The following PITPNB variants were observed in gnomAD, a reference collection of about 807,000 sequenced individuals.
The protein encoded by PITPNB is phosphatidylinositol transfer protein beta isoform.
In PITPNB, 16 loss-of-function variants were observed where a neutral mutation model predicts 45.9. The observed-to-expected ratio is 0.35, with a 90% CI of 0.24 to 0.53. The LOEUF (loss-of-function observed/expected upper bound fraction) is 0.53, where lower values mean the gene tolerates loss of function less well. Among genes scored for constraint, PITPNB ranks in the 20% least tolerant of loss-of-function variants. The probability of loss-of-function intolerance (pLI) is 0.93; values close to 1 mark genes in which losing one functional copy is unlikely to be tolerated. For missense variants in PITPNB, 188 were observed against 330.5 expected, an observed-to-expected ratio of 0.57 and a Z score of 3.34; for synonymous variants, 112 against 108.9, an observed-to-expected ratio of 1.03 and a Z score of -0.18.
chr22:27,883,495 A>C (rs1935032269), intron 7 of PITPNB, among the ~76,000 whole-genome samples: 1 of 152,254 alleles, frequency 6.6e-6, no homozygotes, highest in East Asian at 1.9e-4. Flanking sequence ...AGCTTCTCAA[A>C]GGTGGGCATG....
chr22:27,904,235 T>C (rs1935693989), intron 3 of PITPNB, among the ~76,000 whole-genome samples: 1 of 152,156 alleles, frequency 6.6e-6, no homozygotes, highest in Non-Finnish European at 1.5e-5. Flanking sequence ...ACAACCCAAA[T>C]GTTCAACAAC....
intron 8 of PITPNB, among the ~76,000 whole-genome samples, chr22:27,862,711 T>C (rs1305529905): frequency 6.6e-6 from 1 of 152,176 alleles, no homozygotes; most frequent in Non-Finnish European, 1.5e-5. Context: ...TCAGCAGGTA[T>C]GAAGTGGGTA....
chr22:27,879,551 A>G (rs779648192), intron 7 of PITPNB, among the ~76,000 whole-genome samples: 6 of 152,138 alleles, frequency 3.9e-5, no homozygotes, highest in Non-Finnish European at 7.3e-5. Flanking sequence ...TTATTATTGT[A>G]ATATTGTATT....
At chr22:27,912,911 A>G (rs1935970056) in intron 2 of PITPNB, among the ~76,000 whole-genome samples, 1 of 134,720 alleles carries the variant, frequency 7.4e-6, no homozygotes, top group Admixed American at 8.8e-5. Context: ...TGAACCCAGG[A>G]GGCGGAGGTT....
rs114510347 is a variant in PITPNB, at chr22:27,906,211, G to A, written c.197+4753C>T. Among the ~76,000 whole-genome samples, 1,031 of 152,298 alleles carry A rather than the reference G, an allele frequency of 6.8e-3. 6 individuals are homozygous for A. The highest frequency in any genetic ancestry group is 0.022 in the African/African-American group (934 of 41,570). On this transcript the variant is annotated intron_variant, in intron 3 of 11. Transcript: ENST00000335272. ...CCCAGCATAAGGGGCTGAAAAAAAC[G>A]CTCAGGGTGGGCTGAACAGTTTATG...
At chr22:27,869,157 T>C (rs1934573848) in intron 8 of PITPNB, among the ~76,000 whole-genome samples, 1 of 152,032 alleles carries the variant, frequency 6.6e-6, no homozygotes, top group African/African-American at 2.4e-5. Flanking sequence ...AAATGCACAA[T>C]TCTGCCTTGA....
At chr22:27,894,513 CT>C (rs1569025075) in intron 7 of PITPNB, 41 bp downstream of exon 7, 1 of 1,044,698 alleles carries the variant, frequency 9.6e-7, no homozygotes, top group Admixed American at 1.9e-5. Context: ...TAATTTTTAA[CT>C]GTAAAAGGGA....
At chr22:27,918,862 G>C (rs953169289) in intron 1 of PITPNB, among the ~76,000 whole-genome samples, 13 of 152,146 alleles carry the variant, frequency 8.5e-5, no homozygotes, top group Non-Finnish European at 1.8e-4. Flanking sequence ...GCCTGGGGGT[G>C]GGGGGTTGGG....
intron 7 of PITPNB, among the ~76,000 whole-genome samples, chr22:27,894,002 C>T (rs1935364954): frequency 6.6e-6 from 1 of 152,026 alleles, no homozygotes; most frequent in South Asian, 2.1e-4. Context: ...AAGTCAAAAG[C>T]CAGGAGTAGA....
At position 27,914,189 on chromosome 22, in the gene PITPNB, ATAAT is replaced by A. The variant is rs533386824; in HGVS notation, c.51+124_51+127del. 6.7e-5 allele frequency: 45 copies of A among 667,290 alleles called. No homozygotes were observed. In the East Asian group the frequency reaches 1.1e-3, roughly 16 times the overall value. 41.3% of individuals were successfully genotyped at this position (667,290 alleles called of 1,614,324 possible). On this transcript the variant is annotated intron_variant, in intron 2 of 11. Transcript: ENST00000335272. ...GCAATTCTTTGCAATTATCATTCAT[ATAAT>A]TAATTTTGTCACATAAGGTGGAATG... is the stretch of plus-strand genomic sequence containing the variant.
intron 1 of PITPNB, among the ~76,000 whole-genome samples, chr22:27,916,095 G>A (rs767859745): frequency 1.1e-4 from 17 of 152,226 alleles, no homozygotes; most frequent in Non-Finnish European, 2.4e-4. Context: ...CTTCCCTTAA[G>A]TTTCACAAAA....
At chr22:27,892,269 A>T (rs1418751743) in intron 7 of PITPNB, among the ~76,000 whole-genome samples, 1 of 152,166 alleles carries the variant, frequency 6.6e-6, no homozygotes, top group South Asian at 2.1e-4. Context: ...GTTCTTGTGC[A>T]ATCTGCCCTT....
chr22:27,869,918 C>T (rs898441326), intron 8 of PITPNB, among the ~76,000 whole-genome samples: 4 of 152,126 alleles, frequency 2.6e-5, no homozygotes, highest in South Asian at 2.1e-4. Flanking sequence ...CTTAGTGCCT[C>T]CGACACTTAC....
chr22:27,892,728 A>T (rs1307778341), intron 7 of PITPNB, among the ~76,000 whole-genome samples: 1 of 152,220 alleles, frequency 6.6e-6, no homozygotes, highest in African/African-American at 2.4e-5. Context: ...CTACAGATTG[A>T]AAAACTCCCT....
chr22:27,868,202 GCACCTCC>G (rs1934539597), intron 8 of PITPNB, among the ~76,000 whole-genome samples: 1 of 152,124 alleles, frequency 6.6e-6, no homozygotes. Flanking sequence ...AAACAAGAGA[GCACCTCC>G]CAGTGTTTCT....
At chr22:27,913,259 A>C (rs1020652577) in intron 2 of PITPNB, among the ~76,000 whole-genome samples, 1 of 152,172 alleles carries the variant, frequency 6.6e-6, no homozygotes, top group African/African-American at 2.4e-5. Context: ...GTCTACACTA[A>C]ACAGTGCCAG....
chr22:27,886,864 G>T (rs1473740802), intron 7 of PITPNB, among the ~76,000 whole-genome samples: 3 of 152,042 alleles, frequency 2.0e-5, no homozygotes, highest in African/African-American at 7.2e-5. Flanking sequence ...TAATATGAAA[G>T]AAACTCAACC....
chr22:27,889,956 T>C (rs1013361264), intron 7 of PITPNB, among the ~76,000 whole-genome samples: 4 of 152,210 alleles, frequency 2.6e-5, no homozygotes, highest in African/African-American at 9.6e-5. Flanking sequence ...TGGTAAGAAG[T>C]AGTGACCTTC....
intron 8 of PITPNB, among the ~76,000 whole-genome samples, chr22:27,873,316 G>A (rs1003380265): frequency 3.3e-5 from 5 of 152,098 alleles, no homozygotes; most frequent in Non-Finnish European, 7.4e-5. Context: ...TTGCTCACTC[G>A]TGTCCTGCTT....
Sources: gnomAD v4.1 joint callset for allele counts (sites outside exome capture counted in the v4.1 genomes callset) on GRCh38, gnomAD v4.1.1 for gene constraint, MANE v1.5 for transcripts, NCBI Gene and HGNC (gene_info 2026-07-23, HGNC 2026-07-21) for gene names.